SGIP1: variants seen among roughly 807,000 people sequenced by gnomAD.
SGIP1 encodes the protein SH3GL interacting endocytic adaptor 1, also known as SH3-containing GRB2-like protein 3-interacting protein 1.
SGIP1 carries 38 observed loss-of-function variants against 107.5 expected under a neutral mutation model. The observed-to-expected ratio is 0.35, with a 90% CI of 0.27 to 0.46. The LOEUF is 0.46. Among genes scored for constraint, SGIP1 ranks in the 20% least tolerant of loss-of-function variants. The probability of loss-of-function intolerance (pLI) is 1.00; values close to 1 mark genes in which losing one functional copy is unlikely to be tolerated. For synonymous variants in SGIP1, 365 were observed against 366.1 expected (o/e 1.00, Z 0.03); for missense variants, 929 against 1,019.5 (o/e 0.91, Z 1.21).
chr1:66,560,747 AAC>A (rs970872793), intron 1 of SGIP1, among the ~76,000 whole-genome samples: 37 of 152,202 alleles, frequency 2.4e-4, no homozygotes, highest in Non-Finnish European at 4.4e-4. Flanking sequence ...GTTGGACAAA[AAC>A]ACAAACTCTG....
chr1:66,696,013 G>A (rs1378240042), intron 18 of SGIP1, among the ~76,000 whole-genome samples: 1 of 152,180 alleles, frequency 6.6e-6, no homozygotes, highest in African/African-American at 2.4e-5. Flanking sequence ...AAGAAAAAAA[G>A]GAGTTTATTA....
At chr1:66,658,323 A>C (rs138508321) in intron 7 of SGIP1, among the ~76,000 whole-genome samples, 2 of 152,336 alleles carry the variant, frequency 1.3e-5, no homozygotes, top group East Asian at 3.9e-4. Flanking sequence ...CATAATCTAC[A>C]CTAATGTTGT....
intron 1 of SGIP1, among the ~76,000 whole-genome samples, chr1:66,544,224 T>C (rs77901136): frequency 0.059 from 9,018 of 152,272 alleles, 342 homozygotes; most frequent in Non-Finnish European, 0.087. Context: ...CTTGAACATG[T>C]ATGGCATCAC....
intron 20 of SGIP1, among the ~76,000 whole-genome samples, chr1:66,731,909 A>C (rs1445971711): frequency 3.3e-5 from 5 of 152,198 alleles, no homozygotes; most frequent in Admixed American, 3.3e-4. Context: ...TTTGCTTGTA[A>C]AAAATATGCG....
At chr1:66,733,653 T>C in intron 20 of SGIP1, 95 bp from the exon 21 acceptor site, 1 of 1,345,422 alleles carries the variant, frequency 7.4e-7, no homozygotes, top group South Asian at 1.5e-5. Context: ...AAAAAATGGC[T>C]GTACATATCA....
intron 1 of SGIP1, among the ~76,000 whole-genome samples, chr1:66,579,608 T>C (rs1221302058): frequency 6.6e-6 from 1 of 152,218 alleles, no homozygotes. Context: ...GTTTCAGTTC[T>C]AACAGACTGC....
chr1:66,573,218 C>A (rs140895455), intron 1 of SGIP1, among the ~76,000 whole-genome samples: 10 of 152,062 alleles, frequency 6.6e-5, no homozygotes, highest in African/African-American at 2.4e-4. Flanking sequence ...CTTAATAAAG[C>A]TGGTTTATCA....
At chr1:66,691,382 C>A (rs1054596421) in intron 17 of SGIP1, among the ~76,000 whole-genome samples, 1 of 152,144 alleles carries the variant, frequency 6.6e-6, no homozygotes, top group East Asian at 1.9e-4. Context: ...CCTTTTAAGG[C>A]CCCCAAAGGG....
At chr1:66,674,244 A>C (rs1311882978) in intron 12 of SGIP1, among the ~76,000 whole-genome samples, 1 of 151,992 alleles carries the variant, frequency 6.6e-6, no homozygotes, top group Admixed American at 6.5e-5. Flanking sequence ...TTACTTATTA[A>C]ATATTTATTC....
chr1:66,655,520 G>C (rs1183733703), intron 7 of SGIP1, among the ~76,000 whole-genome samples: 1 of 152,040 alleles, frequency 6.6e-6, no homozygotes, highest in Non-Finnish European at 1.5e-5. Context: ...ATTGTTGTTA[G>C]GCAATTTTAT....
intron 7 of SGIP1, chr1:66,643,925 G>T: frequency 5.6e-6 from 2 of 356,926 alleles, no homozygotes; most frequent in Non-Finnish European, 9.8e-6. Context: ...TTTCAAAAAG[G>T]TGAAAAATAT....
At chr1:66,622,567 T>TTG (rs146901546) in intron 1 of SGIP1, among the ~76,000 whole-genome samples, 17 of 151,722 alleles carry the variant, frequency 1.1e-4, no homozygotes, top group South Asian at 6.3e-4. Context: ...ATATTTAATT[T>TTG]TGTGTGTGTG....
At chr1:66,619,154 T>C (rs1388272933) in intron 1 of SGIP1, among the ~76,000 whole-genome samples, 1 of 152,172 alleles carries the variant, frequency 6.6e-6, no homozygotes, top group Non-Finnish European at 1.5e-5. Context: ...GCTGGCTTTG[T>C]TCCTAGTCCT....
At chr1:66,724,291 T>C (rs1472899063) in intron 19 of SGIP1, among the ~76,000 whole-genome samples, 4 of 152,242 alleles carry the variant, frequency 2.6e-5, no homozygotes, top group Non-Finnish European at 4.4e-5. Flanking sequence ...CATGATTTCT[T>C]ATTTTATTCA....
intron 22 of SGIP1, among the ~76,000 whole-genome samples, chr1:66,739,902 G>T (rs2094392085): frequency 6.6e-6 from 1 of 152,142 alleles, no homozygotes; most frequent in South Asian, 2.1e-4. Context: ...AGCTCCTATT[G>T]GTACCTCCTT....
intron 1 of SGIP1, among the ~76,000 whole-genome samples, chr1:66,586,541 T>C (rs772329629): frequency 8.5e-4 from 129 of 152,158 alleles, no homozygotes; most frequent in Non-Finnish European, 1.5e-3. Flanking sequence ...TATTACTGTA[T>C]ACCAATGTCT....
Position 66,685,288 on chromosome 1 carries a change from C to T in SGIP1, c.1315+2919C>T, listed in dbSNP as rs77846759. ...GACCAAGTATAGACAGTACTGATAA[C>T]CTTGTGAATCAGAAGAGGTACCTGC... On this transcript the variant is annotated intron_variant, in intron 15 of 24. Transcript: ENST00000371037. Among the ~76,000 whole-genome samples the T allele has an allele frequency of 2.6e-5, 4 of 152,286 alleles. No individual in the cohort carries two copies. The East Asian group carries it at 5.8e-4, about 22-fold the overall frequency.
intron 1 of SGIP1, among the ~76,000 whole-genome samples, chr1:66,547,315 TA>T (rs1225951843): frequency 1.3e-5 from 2 of 152,144 alleles, no homozygotes; most frequent in Non-Finnish European, 2.9e-5. Context: ...TTAAACTGAA[TA>T]AAAATATTGT....
At chr1:66,694,505 G>T (rs1270348110) in intron 17 of SGIP1, 1 of 1,597,914 alleles carries the variant, frequency 6.3e-7, no homozygotes, top group Non-Finnish European at 8.5e-7. Flanking sequence ...ACGCCTGCAG[G>T]TATGGTGCTA....
Sources: gnomAD v4.1 joint callset for allele counts (sites outside exome capture counted in the v4.1 genomes callset) on GRCh38, gnomAD v4.1.1 for gene constraint, MANE v1.5 for transcripts, NCBI Gene and HGNC (gene_info 2026-07-23, HGNC 2026-07-21) for gene names.